Variants in GPRIN1 observed in about 807,000 individuals in gnomAD.
The protein encoded by GPRIN1 is G protein-regulated inducer of neurite outgrowth 1.
In GPRIN1, 4 loss-of-function variants were observed where a neutral mutation model predicts 2.8. The ratio of observed to expected loss-of-function variants is 1.45; its 90% CI spans 0.71 to 3.32. GPRIN1 has a LOEUF of 3.32. GPRIN1 is among the 30% of genes most tolerant of loss of function. The pLI is 0.01. For missense variants in GPRIN1, 1,322 were observed against 1,343.4 expected (o/e 0.98, Z 0.25); for synonymous variants, 589 against 589.9 (o/e 1.00, Z 0.02).
intron 1 of GPRIN1, among the ~76,000 whole-genome samples, chr5:176,609,215 G>A (rs894967726): frequency 6.6e-6 from 1 of 152,214 alleles, no homozygotes; most frequent in African/African-American, 2.4e-5. Context: ...GGGTACGCAA[G>A]GGACCCCATG....
In GPRIN1 at chr5:176,596,445, C is replaced by A. The variant is rs1021144859; in HGVS notation, c.*363G>T. 2.5e-5 allele frequency: 4 copies of A among 160,660 alleles called. No individual in the cohort carries two copies. The highest frequency in any genetic ancestry group is 5.4e-5 in the Non-Finnish European group (4 of 73,864). The allele number at this position is 160,660 out of a possible 1,614,324, so 10.0% of individuals were successfully genotyped here. A position where few individuals can be genotyped will look rare whatever the true frequency, so the allele number is the denominator to read the frequency against. On this transcript the variant is annotated 3_prime_UTR_variant, in exon 2 of 2. Coordinates refer to ENST00000303991, the MANE Select transcript of GPRIN1 (RefSeq NM_052899.3). The surrounding 1 kb of genome is among the most constrained non-coding windows in gnomAD (Gnocchi z 5.2). ...CTGGGGATCTGGCCCCACCGGAGAC[C>A]ACAACGCACCAGTCTAGACATCTCA...
rs764685576 is a variant in GPRIN1, at chr5:176,599,200, C to T, written c.635G>A (p.Gly212Glu). Residue 212 changes from glycine (G) to glutamate (E), a missense_variant, in exon 2 of 2, where the codon GGA (glycine) becomes GAA (glutamate). Physicochemically the swap from Gly to Glu is moderately conservative, Grantham distance 98 (BLOSUM62 -2). Around this residue, in one of 3 missense-constraint regions of GPRIN1, gnomAD observed 1,117 missense variants for 1,128.6 expected, o/e 0.99. Transcript: ENST00000303991. Reference sequence around the variant, plus strand: ...CAAAGGATCTACTTTTCCCAGGGATCCAAGATCTTCCTTTCTTACAGTCAT... The same window carrying T: ...CAAAGGATCTACTTTTCCCAGGGATTCAAGATCTTCCTTTCTTACAGTCAT... ...DPMTVRKEDLGSLGKVDPLCS... is the reference protein window; with the variant it reads ...DPMTVRKEDLESLGKVDPLCS... 1.9e-6 allele frequency: 3 copies of T among 1,613,752 alleles called. No homozygotes were observed. The highest frequency in any genetic ancestry group is 1.7e-6 in the Non-Finnish European group (2 of 1,179,954).
Position 176,599,111 on chromosome 5 carries a change from C to T in GPRIN1, c.724G>A (p.Asp242Asn), listed in dbSNP as rs1349375284. The T allele has an allele frequency of 6.2e-7, 1 of 1,613,966 alleles. No homozygotes were observed. The highest frequency in any genetic ancestry group is 1.7e-5 in the Admixed American group (1 of 60,020). ...TCCACTTTGTCTGAGGACACAGGAT[C>T]CACCTTTCTCAAAGACCCAGGATCC... Reference protein sequence around the residue: ...KEDPGSLRKVDPVSSDKVDPV... With the variant: ...KEDPGSLRKVNPVSSDKVDPV... Residue 242 changes from aspartate to asparagine, a missense_variant, in exon 2 of 2, where the codon GAT (aspartate) becomes AAT (asparagine). Asp to Asn is a conservative substitution (Grantham distance 23, BLOSUM62 1). Coordinates refer to ENST00000303991, the MANE Select transcript of GPRIN1 (RefSeq NM_052899.3).
Position 176,598,437 on chromosome 5 carries a change from G to C in GPRIN1, c.1398C>G (p.Pro466=), listed in dbSNP as rs1561886591. ...ATGTCTTTCTACTTCCAGCAGATAT[G>C]GGGTCCTCCCTTCTGGAGGACACCG... ...EDPVSSRRED[P]ISAGSRKTSS... The change falls in exon 2 of 2, where the codon CCC becomes CCG. Residue 466 remains proline, a synonymous_variant. Coordinates refer to ENST00000303991, the MANE Select transcript of GPRIN1 (RefSeq NM_052899.3). The C allele has an allele frequency of 6.2e-7, 1 of 1,614,058 alleles. No homozygotes were observed. The highest frequency in any genetic ancestry group is 1.1e-5 in the South Asian group (1 of 91,072).
chr5:176,607,750 AGGGCACACAACTG>A (rs528126740), intron 1 of GPRIN1, among the ~76,000 whole-genome samples: 177 of 151,784 alleles, frequency 1.2e-3, no homozygotes, highest in Non-Finnish European at 1.8e-3. Flanking sequence ...GACTTGACCA[AGGGCACACAACTG>A]GGGCACACAA....
At position 176,598,177 on chromosome 5, in the gene GPRIN1, G is replaced by A; in HGVS notation, c.1658C>T (p.Pro553Leu). ...AEPLAVGKED[P>L]VSKGKADAGP... Reference sequence around the variant, plus strand: ...AGCGTCTGCCTTTCCCTTGCTCACAGGGTCCTCCTTGCCCACCGCGAGGGG... The same window carrying A: ...AGCGTCTGCCTTTCCCTTGCTCACAAGGTCCTCCTTGCCCACCGCGAGGGG... The change falls in exon 2 of 2, where the codon CCT (proline) becomes CTT (leucine). Residue 553 changes from proline to leucine, a missense_variant. Physicochemically the swap from Pro to Leu is moderately conservative, Grantham distance 98 (BLOSUM62 -3). Transcript: ENST00000303991. 6.2e-7 allele frequency: 1 copy of A among 1,612,620 alleles called. No individual in the cohort carries two copies. Among genetic ancestry groups the A allele is most frequent in the Non-Finnish European group, 8.5e-7 (1 of 1,179,968 alleles).
chr5:176,600,935 A>C (rs1025378365), intron 1 of GPRIN1, among the ~76,000 whole-genome samples: 1 of 152,174 alleles, frequency 6.6e-6, no homozygotes, highest in African/African-American at 2.4e-5. Flanking sequence ...CAAAAACAAA[A>C]ATTAATAAAA....
intron 1 of GPRIN1, among the ~76,000 whole-genome samples, chr5:176,604,696 T>G (rs1310203943): frequency 6.6e-6 from 1 of 151,988 alleles, no homozygotes; most frequent in Non-Finnish European, 1.5e-5. Context: ...TTTCCTAAAT[T>G]TTTTTTTAGC....
chr5:176,597,143 C>A lies in GPRIN1; in HGVS notation c.2692G>T (p.Ala898Ser), dbSNP rs1759052138. The change falls in exon 2 of 2, where the codon GCG becomes TCG. Residue 898 changes from alanine (A) to serine (S), a missense_variant. Around this residue, in one of 3 missense-constraint regions of GPRIN1, gnomAD observed 196 missense variants for 189.2 expected, o/e 1.04. Coordinates refer to ENST00000303991, the MANE Select transcript of GPRIN1 (RefSeq NM_052899.3). This position sits in a 1 kb window ranked among gnomAD's most constrained non-coding sequence, Gnocchi z 6.1. ...EVRVRPGSAL[A>S]AAVAPPEPAE... ...GGCTCCGGGGGCGCTACAGCGGCCGCCAGCGCTGAGCCGGGCCGCACCCGC... is the reference window on the plus strand; with the variant it reads ...GGCTCCGGGGGCGCTACAGCGGCCGACAGCGCTGAGCCGGGCCGCACCCGC... The A allele has an allele frequency of 1.4e-6, 2 of 1,450,424 alleles. No homozygotes were observed. Among genetic ancestry groups the A allele is most frequent in the Admixed American group, 4.3e-5 (2 of 45,992 alleles). 89.8% of individuals were successfully genotyped at this position (1,450,424 alleles called of 1,614,324 possible). A position where few individuals can be genotyped will look rare whatever the true frequency, so the allele number is the denominator to read the frequency against.
At chr5:176,601,146 G>C (rs2113350262) in intron 1 of GPRIN1, among the ~76,000 whole-genome samples, 1 of 152,182 alleles carries the variant, frequency 6.6e-6, no homozygotes, top group Non-Finnish European at 1.5e-5. Flanking sequence ...ACCAGTTTAT[G>C]TCTATGTAGG....
chr5:176,597,572 C>A lies in GPRIN1; in HGVS notation c.2263G>T (p.Val755Leu). The change falls in exon 2 of 2, where the codon GTG becomes TTG. Residue 755 changes from valine to leucine, a missense_variant. Around this residue, in one of 3 missense-constraint regions of GPRIN1, gnomAD observed 1,117 missense variants for 1,128.6 expected, o/e 0.99. Transcript: ENST00000303991. This position sits in a 1 kb window ranked among gnomAD's most constrained non-coding sequence, Gnocchi z 6.1. Reference sequence around the variant, plus strand: ...AGACTGGAGGCCTCGGTGCTGGACACGGGCTCGGCCTTCGGCTCCACGCGG... The same window carrying A: ...AGACTGGAGGCCTCGGTGCTGGACAAGGGCTCGGCCTTCGGCTCCACGCGG... ...EGRVEPKAEP[V>L]SSTEASSLGQ... The A allele has an allele frequency of 6.3e-7, 1 of 1,587,922 alleles. No homozygotes were observed. Among genetic ancestry groups the A allele is most frequent in the Non-Finnish European group, 8.5e-7 (1 of 1,173,894 alleles).
intron 1 of GPRIN1, among the ~76,000 whole-genome samples, chr5:176,600,766 A>C (rs1412987872): frequency 6.6e-6 from 1 of 152,052 alleles, no homozygotes; most frequent in Non-Finnish European, 1.5e-5. Flanking sequence ...ATACAAAAAA[A>C]TTAGCCAGGT....
Position 176,599,236 on chromosome 5 carries a change from C to A in GPRIN1, c.599G>T (p.Arg200Met). The change falls in exon 2 of 2, where the codon AGG (arginine) becomes ATG (methionine). Residue 200 changes from arginine to methionine, a missense_variant. Physicochemically the swap from Arg to Met is moderately conservative, Grantham distance 91 (BLOSUM62 -1). Around this residue, in one of 3 missense-constraint regions of GPRIN1, gnomAD observed 1,117 missense variants for 1,128.6 expected, o/e 0.99. Coordinates refer to ENST00000303991, the MANE Select transcript of GPRIN1 (RefSeq NM_052899.3). ...LGKGDPVAPG[R>M]MDPMTVRKED... Reference sequence around the variant, plus strand: ...CTTTCTTACAGTCATGGGATCCATCCTTCCAGGAGCCACAGGATCCCCCTT... The same window carrying A: ...CTTTCTTACAGTCATGGGATCCATCATTCCAGGAGCCACAGGATCCCCCTT... 1 of 1,613,760 alleles carries A rather than the reference C, an allele frequency of 6.2e-7. No individual in the cohort carries two copies. Among genetic ancestry groups the A allele is most frequent in the South Asian group, 1.1e-5 (1 of 91,058 alleles).
At chr5:176,605,746 G>A (rs1005882245) in intron 1 of GPRIN1, among the ~76,000 whole-genome samples, 1 of 152,106 alleles carries the variant, frequency 6.6e-6, no homozygotes, top group Non-Finnish European at 1.5e-5. Flanking sequence ...GATCTCTTGA[G>A]TCCAGGAGTT....
At chr5:176,605,315 G>A (rs867354123) in intron 1 of GPRIN1, among the ~76,000 whole-genome samples, 2 of 151,772 alleles carry the variant, frequency 1.3e-5, no homozygotes, top group African/African-American at 4.8e-5. Flanking sequence ...GGGTGGTCTC[G>A]AACTTCTGGC....
In GPRIN1 at chr5:176,597,660, C is replaced by T; in HGVS notation, c.2175G>A (p.Arg725=). ...AGCCGAGGGCTTTGCGGTCTAACTG[C>T]CTGGAGGAGGAGGACGGCTTGGTCT... The part of the protein sequence containing the change: ...LEKTKPSSSS[R]QLDRKALGSA... The change falls in exon 2 of 2, where the codon AGG becomes AGA. Residue 725 remains arginine, a synonymous_variant. Coordinates refer to ENST00000303991, the MANE Select transcript of GPRIN1 (RefSeq NM_052899.3). The surrounding 1 kb of genome is among the most constrained non-coding windows in gnomAD (Gnocchi z 6.1). 1 of 1,597,058 alleles carries T rather than the reference C, an allele frequency of 6.3e-7. No homozygotes were observed.
chr5:176,598,707 C>G lies in GPRIN1; in HGVS notation c.1128G>C (p.Lys376Asn). ...ATKEDSRFLG[K>N]MDPASSGEGR... ...CCTCTCCTGAGGAGGCAGGGTCCAT[C>G]TTTCCCAGGAACCGGGAGTCCTCTT... The change falls in exon 2 of 2, where the codon AAG (lysine) becomes AAC (asparagine). Residue 376 changes from lysine to asparagine, a missense_variant. Physicochemically the swap from Lys to Asn is moderately conservative, Grantham distance 94. This residue lies in a region of GPRIN1 where 1,117 missense variants were observed against 1,128.6 expected (regional missense o/e 0.99). Coordinates refer to ENST00000303991, the MANE Select transcript of GPRIN1 (RefSeq NM_052899.3). 3 of 1,614,082 alleles carry G rather than the reference C, an allele frequency of 1.9e-6. 1 individual carries two copies. Among genetic ancestry groups the G allele is most frequent in the Non-Finnish European group, 1.7e-6 (2 of 1,180,038 alleles).
In GPRIN1 at chr5:176,597,350, T is replaced by C. The variant is rs1289221937; in HGVS notation, c.2485A>G (p.Met829Val). Residue 829 changes from methionine to valine, a missense_variant, in exon 2 of 2, where the codon ATG becomes GTG. Around this residue, in one of 3 missense-constraint regions of GPRIN1, gnomAD observed 1,117 missense variants for 1,128.6 expected, o/e 0.99. Transcript: ENST00000303991. The surrounding 1 kb of genome is among the most constrained non-coding windows in gnomAD (Gnocchi z 6.1). ...CCCCCAGCGCCGTCCTGCGGAGACA[T>C]GGGGCTCACGGCCACTGAGACGCAG... The part of the protein sequence containing the change: ...QACVSVAVSP[M>V]SPQDGAGGSA... The C allele has an allele frequency of 2.3e-5, 29 of 1,252,684 alleles. No homozygotes were observed. The highest frequency in any genetic ancestry group is 4.0e-6 in the Non-Finnish European group (4 of 1,001,260). 77.6% of individuals were successfully genotyped at this position (1,252,684 alleles called of 1,614,324 possible). A position where few individuals can be genotyped will look rare whatever the true frequency, so the allele number is the denominator to read the frequency against.
intron 1 of GPRIN1, among the ~76,000 whole-genome samples, chr5:176,603,781 G>C (rs1759182706): frequency 1.3e-5 from 2 of 152,204 alleles, no homozygotes; most frequent in African/African-American, 2.4e-5. Context: ...GGTCAGGCAG[G>C]CATCAGATTT....
Sources: allele counts gnomAD v4.1 joint callset (sites outside exome capture counted in the v4.1 genomes callset), GRCh38; gene constraint gnomAD v4.1.1; regional missense constraint gnomAD v4.1.1; non-coding constraint Gnocchi (gnomAD v3.1); transcripts MANE v1.5; gene names NCBI Gene and HGNC (gene_info 2026-07-23, HGNC 2026-07-21).